The following UBAP1L variants were observed in gnomAD, a reference collection of about 807,000 sequenced individuals.
The protein encoded by UBAP1L is ubiquitin associated protein 1 like.
In UBAP1L, 32 loss-of-function variants were observed where a neutral mutation model predicts 32.1. The observed-to-expected ratio is 1.00, with a 90% CI of 0.75 to 1.34. The LOEUF (loss-of-function observed/expected upper bound fraction) is 1.34. UBAP1L is among the 40% of genes most tolerant of loss of function. The probability of loss-of-function intolerance (pLI) is 0.00; values close to 1 mark genes in which losing one functional copy is unlikely to be tolerated. For missense variants in UBAP1L, 516 were observed against 540.5 expected (o/e 0.95, Z 0.45); for synonymous variants, 243 against 250.2 (o/e 0.97, Z 0.27).
chr15:65,099,632 G>T lies in UBAP1L; in HGVS notation c.782C>A (p.Ala261Glu), dbSNP rs533895547. The T allele has an allele frequency of 6.4e-7, 1 of 1,551,514 alleles. No individual in the cohort carries two copies. Among genetic ancestry groups the T allele is most frequent in the African/African-American group, 1.4e-5 (1 of 73,064 alleles). The change falls in exon 4 of 6, where the codon GCG becomes GAG. Residue 261 changes from alanine to glutamate, a missense_variant. Transcript: ENST00000559089. ...GCTCAGGGCGGACAGCAGGTCAGCCGCAGTATCAGGGTGTGACTTGTGGGG... is the reference window on the plus strand; with the variant it reads ...GCTCAGGGCGGACAGCAGGTCAGCCTCAGTATCAGGGTGTGACTTGTGGGG... ...LNPHKSHPDT[A>E]ADLLSALSQE...
At chr15:65,109,427 G>T (rs189151829) in intron 1 of UBAP1L, among the ~76,000 whole-genome samples, 36 of 134,504 alleles carry the variant, frequency 2.7e-4, no homozygotes, top group African/African-American at 9.5e-4. Context: ...AGCTTGCAGT[G>T]AGCCGAGATC....
Position 65,094,764 on chromosome 15 carries a change from C to T in UBAP1L, c.910-188G>A, listed in dbSNP as rs1001238209. On this transcript the variant is annotated intron_variant, in intron 4 of 5. Coordinates refer to ENST00000559089, the MANE Select transcript of UBAP1L (RefSeq NM_001163692.2). The surrounding 1 kb of genome is among the most constrained non-coding windows in gnomAD (Gnocchi z 4.2). ...ATAGAGGCTTTCTCTGAGTGCCTGG[C>T]GATAGGCAGACAATGGGTCTTCACC... The T allele has an allele frequency of 1.5e-5, 9 of 605,988 alleles. No homozygotes were observed. The highest frequency in any genetic ancestry group is 2.4e-5 in the Non-Finnish European group (8 of 337,576). The allele number at this position is 605,988 out of a possible 1,614,324, so 37.5% of individuals were successfully genotyped here. A position where few individuals can be genotyped will look rare whatever the true frequency, so the allele number is the denominator to read the frequency against.
chr15:65,099,966 G>A (rs1444516261), intron 3 of UBAP1L: 1 of 353,888 alleles, frequency 2.8e-6, no homozygotes, highest in East Asian at 5.0e-5. Flanking sequence ...GTGAGGGACT[G>A]GGCGCGGTGG....
chr15:65,106,126 C>A lies in UBAP1L; in HGVS notation c.90G>T (p.Pro30=), dbSNP rs777728590. 99 of 1,550,862 alleles carry A rather than the reference C, an allele frequency of 6.4e-5. No homozygotes were observed. Among genetic ancestry groups the A allele is most frequent in the Non-Finnish European group, 7.7e-5 (88 of 1,146,830 alleles). The stretch of plus-strand genomic sequence containing the variant: ...AACCCAGCAGAACTTCCCCGCAGGC[C>A]GGGACGCTGAGTTCTGGCCCAGGGA... ...EPLPGPELSV[P]ACGEVLLGSM... is the part of the protein sequence containing the mutation. The change falls in exon 2 of 6, where the codon CCG becomes CCT. Residue 30 remains proline, a synonymous_variant. Coordinates refer to ENST00000559089, the MANE Select transcript of UBAP1L (RefSeq NM_001163692.2).
intron 2 of UBAP1L, 133 bp downstream of exon 2, chr15:65,105,963 T>G: frequency 1.5e-6 from 2 of 1,305,918 alleles, no homozygotes; most frequent in Non-Finnish European, 2.1e-6. Flanking sequence ...GCTAATTTTT[T>G]GTATTGTTAG....
chr15:65,103,748 G>C (rs1368590927), intron 2 of UBAP1L, among the ~76,000 whole-genome samples: 1 of 152,160 alleles, frequency 6.6e-6, no homozygotes, highest in Non-Finnish European at 1.5e-5. Flanking sequence ...AGTATGTGCA[G>C]AATAAATGGT....
intron 1 of UBAP1L, among the ~76,000 whole-genome samples, chr15:65,114,358 A>G (rs2087389521): frequency 6.6e-6 from 1 of 152,054 alleles, no homozygotes; most frequent in Admixed American, 6.6e-5. Flanking sequence ...TCTCAGAACC[A>G]TGTCTTTCTT....
intron 4 of UBAP1L, chr15:65,099,062 G>C (rs1335090414): frequency 6.4e-6 from 1 of 155,322 alleles, no homozygotes; most frequent in East Asian, 1.9e-4. Context: ...TCCTTGGAGT[G>C]TCATCATGAG....
intron 1 of UBAP1L, among the ~76,000 whole-genome samples, chr15:65,110,983 G>C (rs2087366339): frequency 6.6e-6 from 1 of 152,166 alleles, no homozygotes. Context: ...AGTGCAGAGA[G>C]GTCAAATGAA....
chr15:65,108,461 C>G (rs115062339), intron 1 of UBAP1L, among the ~76,000 whole-genome samples: 1 of 152,112 alleles, frequency 6.6e-6, no homozygotes, highest in African/African-American at 2.4e-5. Flanking sequence ...AAAGGGCTAA[C>G]GGGCCAGGCA....
At chr15:65,106,555 A>C (rs1352226637) in intron 1 of UBAP1L, among the ~76,000 whole-genome samples, 167 bp from the exon 2 acceptor site, 2 of 152,244 alleles carry the variant, frequency 1.3e-5, no homozygotes, top group Non-Finnish European at 1.5e-5. Flanking sequence ...TTTAAGAAAC[A>C]AACAGCATTA....
chr15:65,097,723 TCTC>T (rs1446111965), intron 4 of UBAP1L: 2 of 152,130 alleles, frequency 1.3e-5, no homozygotes, highest in Admixed American at 6.6e-5. Flanking sequence ...TGTTGGAAAT[TCTC>T]CTCCAGGACA....
chr15:65,099,783 T>A (rs879511462), intron 3 of UBAP1L, 69 bp from the exon 4 acceptor site: 27 of 1,373,790 alleles, frequency 2.0e-5, no homozygotes, highest in Admixed American at 1.1e-4. Flanking sequence ...TGGACATTTT[T>A]AAAAATGCCT....
chr15:65,106,406 A>G lies in UBAP1L; in HGVS notation c.-173-18T>C, dbSNP rs1434339106. ...GGCCAGTGCTGCATAAAGGAAGGAAATGAATAAAAACAAGAGCATTCACAC... is the reference window on the plus strand; with the variant it reads ...GGCCAGTGCTGCATAAAGGAAGGAAGTGAATAAAAACAAGAGCATTCACAC... On this transcript the variant is annotated intron_variant, in intron 1 of 5. Transcript: ENST00000559089. The G allele has an allele frequency of 1.8e-6, 1 of 544,550 alleles. No individual in the cohort carries two copies. Among genetic ancestry groups the G allele is most frequent in the East Asian group, 3.5e-5 (1 of 28,196 alleles). 33.7% of individuals were successfully genotyped at this position (544,550 alleles called of 1,614,324 possible).
At position 65,102,798 on chromosome 15, in the gene UBAP1L, G is replaced by A. The variant is rs954347665; in HGVS notation, c.121-114C>T. 7.2e-6 allele frequency: 7 copies of A among 974,162 alleles called. No homozygotes were observed. In the Admixed American group the frequency reaches 1.2e-4, roughly 17 times the overall value. The allele number at this position is 974,162 out of a possible 1,614,324, so 60.3% of individuals were successfully genotyped here. ...CAGAGACTCTCTAAGCCTGGACAGC[G>A]TCAGATTCTGAGCCCCGGGCTTCCA... On this transcript the variant is annotated intron_variant, in intron 2 of 5. Transcript: ENST00000559089. This position sits in a 1 kb window ranked among gnomAD's most constrained non-coding sequence, Gnocchi z 5.0.
rs1161885159 is a variant in UBAP1L at position 65,094,441 on chromosome 15, A to T, written c.1011+34T>A. The T allele has an allele frequency of 6.7e-7, 1 of 1,498,524 alleles. No homozygotes were observed. Among genetic ancestry groups the T allele is most frequent in the East Asian group, 2.5e-5 (1 of 40,628 alleles). The allele number at this position is 1,498,524 out of a possible 1,614,324, so 92.8% of individuals were successfully genotyped here. On this transcript the variant is annotated intron_variant, in intron 5 of 5. Coordinates refer to ENST00000559089, the MANE Select transcript of UBAP1L (RefSeq NM_001163692.2). This position sits in a 1 kb window ranked among gnomAD's most constrained non-coding sequence, Gnocchi z 4.2. ...TCCTGGGTACACCCCCATCCCTTCC[A>T]TCCCCTGGGGCCCTGGCAGGAAGCC...
At chr15:65,110,684 C>CAA (rs71136313) in intron 1 of UBAP1L, among the ~76,000 whole-genome samples, 42 of 63,030 alleles carry the variant, frequency 6.7e-4, no homozygotes, top group African/African-American at 1.9e-3. Context: ...GACTCTGTCT[C>CAA]AAAAAAAAAA....
chr15:65,102,468 C>T lies in UBAP1L; in HGVS notation c.337G>A (p.Ala113Thr). 1.4e-6 allele frequency: 2 copies of T among 1,435,122 alleles called. No homozygotes were observed. The highest frequency in any genetic ancestry group is 9.1e-7 in the Non-Finnish European group (1 of 1,093,938). The allele number at this position is 1,435,122 out of a possible 1,614,324, so 88.9% of individuals were successfully genotyped here. A position where few individuals can be genotyped will look rare whatever the true frequency, so the allele number is the denominator to read the frequency against. ...ERPEEEGEDE[A>T]EASSGSEEEP... ...TCCTCGCTGCCAGAGGAGGCTTCTG[C>T]CTCGTCCTCACCCTCCTCCTCCGGC... The change falls in exon 3 of 6, where the codon GCA becomes ACA. Residue 113 changes from alanine to threonine, a missense_variant. Physicochemically the swap from Ala to Thr is moderately conservative, Grantham distance 58 (BLOSUM62 0). Transcript: ENST00000559089. The surrounding 1 kb of genome is among the most constrained non-coding windows in gnomAD (Gnocchi z 5.0).
At chr15:65,109,256 G>A (rs1055957234) in intron 1 of UBAP1L, among the ~76,000 whole-genome samples, 15 of 151,576 alleles carry the variant, frequency 9.9e-5, no homozygotes, top group African/African-American at 3.6e-4. Context: ...GGCCGAGGTG[G>A]GCGGATCACA....
Sources: allele counts gnomAD v4.1 joint callset (sites outside exome capture counted in the v4.1 genomes callset), GRCh38; gene constraint gnomAD v4.1.1; non-coding constraint Gnocchi (gnomAD v3.1); transcripts MANE v1.5; gene names NCBI Gene and HGNC (gene_info 2026-07-23, HGNC 2026-07-21).